SLC22A4: variants seen among roughly 807,000 people sequenced by gnomAD.
SLC22A4 encodes the protein ET transporter.
Under a neutral mutation model 56.6 loss-of-function variants are expected in SLC22A4, and 39 were observed. The ratio of observed to expected loss-of-function variants is 0.69; its 90% confidence interval spans 0.53 to 0.90. The LOEUF (loss-of-function observed/expected upper bound fraction) is 0.90. Among genes scored for constraint, SLC22A4 ranks in the 40% least tolerant of loss-of-function variants. SLC22A4 has a pLI of 0.00. For synonymous variants in SLC22A4, 241 were observed against 281.4 expected, an observed-to-expected ratio of 0.86 and a Z score of 1.44; for missense variants, 594 against 696.5, an observed-to-expected ratio of 0.85 and a Z score of 1.66.
chr5:132,320,781 T>C (rs1053800484), intron 3 of SLC22A4: 2 of 152,256 alleles, frequency 1.3e-5, no homozygotes, highest in African/African-American at 4.8e-5. Context: ...AGCCTGTGCC[T>C]AGGGCATATA....
Position 132,322,177 on chromosome 5 carries a change from T to A in SLC22A4, c.653-7T>A. 1 of 1,611,984 alleles carries A rather than the reference T, an allele frequency of 6.2e-7. No individual in the cohort carries two copies. The highest frequency in any genetic ancestry group is 8.5e-7 in the Non-Finnish European group (1 of 1,178,816). ...ATATGCTAATACTCCTCCCTTGTTT[T>A]GAACAGGAACAGAAATTCTTGGCAA... On this transcript the variant is annotated splice_region_variant and splice_polypyrimidine_tract_variant and intron_variant, in intron 3 of 9. Transcript: ENST00000200652.
intron 1 of SLC22A4, among the ~76,000 whole-genome samples, chr5:132,306,860 A>G (rs1750053234): frequency 2.6e-5 from 4 of 152,170 alleles, no homozygotes; most frequent in African/African-American, 7.2e-5. Context: ...ATAAAACACT[A>G]TATATTGTAT....
chr5:132,322,494 GT>G, intron 4 of SLC22A4, 139 bp downstream of exon 4: 1 of 809,840 alleles, frequency 1.2e-6, no homozygotes, highest in Non-Finnish European at 2.1e-6. Context: ...AGCCGGGAGA[GT>G]TTTTGCCTCA....
At chr5:132,301,769 G>A (rs946128212) in intron 1 of SLC22A4, among the ~76,000 whole-genome samples, 3 of 152,232 alleles carry the variant, frequency 2.0e-5, no homozygotes, top group Admixed American at 6.5e-5. Flanking sequence ...CTCCCCTGGG[G>A]TCTGGGTAGG....
rs273909 is a variant in SLC22A4 at position 132,331,660 on chromosome 5, A to G, written c.952-96A>G. 0.11 allele frequency: 95,958 copies of G among 847,052 alleles called. 6,637 individuals carry two copies. Among genetic ancestry groups the G allele is most frequent in the South Asian group, 0.19 (14,052 of 75,508 alleles). 52.5% of individuals were successfully genotyped at this position (847,052 alleles called of 1,614,324 possible). A position where few individuals can be genotyped will look rare whatever the true frequency, so the allele number is the denominator to read the frequency against. On this transcript the variant is annotated intron_variant, in intron 5 of 9. Coordinates refer to ENST00000200652, the MANE Select transcript of SLC22A4 (RefSeq NM_003059.3). ...TTCTAAGCATAGTCAAGGTGAAGTGAGAGTTGCATGCATAAGTTTTCCCCA... is the reference window on the plus strand; with the variant it reads ...TTCTAAGCATAGTCAAGGTGAAGTGGGAGTTGCATGCATAAGTTTTCCCCA...
rs1749739104 is a variant in SLC22A4 at position 132,294,869 on chromosome 5, C to T, written c.253C>T (p.Arg85Trp). The T allele has an allele frequency of 2.5e-6, 4 of 1,604,236 alleles. No homozygotes were observed. Among genetic ancestry groups the T allele is most frequent in the Non-Finnish European group, 3.4e-6 (4 of 1,176,660 alleles). The change falls in exon 1 of 10, where the codon CGG becomes TGG. Residue 85 changes from arginine (R) to tryptophan (W), a missense_variant. By Grantham distance (101) the Arg-to-Trp change is moderately radical (BLOSUM62 -3). Coordinates refer to ENST00000200652, the MANE Select transcript of SLC22A4 (RefSeq NM_003059.3). This position sits in a 1 kb window ranked among gnomAD's most constrained non-coding sequence, Gnocchi z 5.6. ...GGTGCCCCACAGCTGCAGCCGCTAC[C>T]GGCTCGCCACCATCGCCAACTTCTC... The part of the protein sequence containing the change: ...REVPHSCSRY[R>W]LATIANFSAL...
intron 8 of SLC22A4, among the ~76,000 whole-genome samples, chr5:132,338,279 G>T (rs1441096455): frequency 6.6e-6 from 1 of 152,136 alleles, no homozygotes; most frequent in Non-Finnish European, 1.5e-5. Context: ...CAAAAGGGGA[G>T]GGAGTGTACG....
Position 132,307,818 on chromosome 5 carries a change from G to A in SLC22A4, c.394-4343G>A, listed in dbSNP as rs192708657. Among the ~76,000 whole-genome samples, 320 of 152,064 alleles carry A rather than the reference G, an allele frequency of 2.1e-3. 1 individual carries two copies. Among genetic ancestry groups the A allele is most frequent in the Non-Finnish European group, 3.5e-3 (235 of 68,014 alleles). On this transcript the variant is annotated intron_variant, in intron 1 of 9. Coordinates refer to ENST00000200652, the MANE Select transcript of SLC22A4 (RefSeq NM_003059.3). The stretch of plus-strand genomic sequence containing the variant: ...GCTACCTTCCAGCGTTCTCAGTTCC[G>A]TGCAGGTCAGACGGGGTTCACTTAT...
At chr5:132,308,966 C>T (rs191285086) in intron 1 of SLC22A4, among the ~76,000 whole-genome samples, 51 of 152,296 alleles carry the variant, frequency 3.3e-4, no homozygotes, top group African/African-American at 1.2e-3. Flanking sequence ...CAAACATGTG[C>T]AGGGACCCAC....
intron 5 of SLC22A4, 106 bp from the exon 6 acceptor site, chr5:132,331,650 A>G: frequency 1.2e-6 from 1 of 814,310 alleles, no homozygotes; most frequent in South Asian, 1.3e-5. Flanking sequence ...AGCATAGTCA[A>G]GGTGAAGTGA....
At chr5:132,328,928 T>C (rs1175768017) in intron 5 of SLC22A4, among the ~76,000 whole-genome samples, 4 of 22,140 alleles carry the variant, frequency 1.8e-4, no homozygotes, top group African/African-American at 3.7e-4. Flanking sequence ...TATATATATA[T>C]ATACACACAC....
chr5:132,295,469 T>A (rs1266841214), intron 1 of SLC22A4: 1 of 365,576 alleles, frequency 2.7e-6, no homozygotes, highest in Non-Finnish European at 5.3e-6. Flanking sequence ...TGTACTGCCG[T>A]ACCATATACT....
chr5:132,335,709 T>C (rs1461737107), intron 7 of SLC22A4, 109 bp from the exon 8 acceptor site: 1 of 908,610 alleles, frequency 1.1e-6, no homozygotes, highest in African/African-American at 1.6e-5. Context: ...GGAATATATT[T>C]ATGTTAATAA....
chr5:132,310,032 A>C (rs1384598687), intron 1 of SLC22A4, among the ~76,000 whole-genome samples: 2 of 152,262 alleles, frequency 1.3e-5, no homozygotes, highest in African/African-American at 2.4e-5. Flanking sequence ...TCTGAGGCTA[A>C]AGGCTGTGAT....
chr5:132,308,123 T>G (rs1750083412), intron 1 of SLC22A4, among the ~76,000 whole-genome samples: 1 of 152,218 alleles, frequency 6.6e-6, no homozygotes. Flanking sequence ...TCTGTCCTTC[T>G]GCTGGAGGAT....
At chr5:132,336,819 A>T (rs1580847903) in intron 8 of SLC22A4, among the ~76,000 whole-genome samples, 1 of 151,882 alleles carries the variant, frequency 6.6e-6, no homozygotes, top group East Asian at 1.9e-4. Context: ...TGTTGTGCAA[A>T]ACAAAATGTC....
In SLC22A4 at chr5:132,343,772, GA is replaced by G; in HGVS notation, c.1600del (p.Thr534GlnfsTer14). ...MQKVKWFRSG[K>X]KTRDSMETEE... Reference sequence around the variant, plus strand: ...ATTTTATTTTCAGGTTCAGATCTGGGAAAAAAACAAGAGACTCAATGGAGAC... The same window carrying G: ...ATTTTATTTTCAGGTTCAGATCTGGGAAAAAACAAGAGACTCAATGGAGAC... On this transcript the variant is annotated frameshift_variant, in exon 10 of 10. Transcript: ENST00000200652. LOFTEE classifies it high-confidence loss of function. 6.2e-7 allele frequency: 1 copy of G among 1,604,488 alleles called. No individual in the cohort carries two copies. Among genetic ancestry groups the G allele is most frequent in the Non-Finnish European group, 8.5e-7 (1 of 1,172,020 alleles).
rs272893 is a variant in SLC22A4, at chr5:132,327,369, T to G, written c.917T>G (p.Ile306Arg). 19 of 1,612,008 alleles carry G rather than the reference T, an allele frequency of 1.2e-5. 1 individual carries two copies. The highest frequency in any genetic ancestry group is 1.6e-5 in the Non-Finnish European group (19 of 1,178,324). Residue 306 changes from isoleucine (I) to arginine (R), a missense_variant, in exon 5 of 10, where the codon ATA becomes AGA. Physicochemically the swap from Ile to Arg is moderately conservative, Grantham distance 97. Transcript: ENST00000200652. Reference protein sequence around the residue: ...IIQKAAKMNNIAVPAVIFDSV... With the variant: ...IIQKAAKMNNRAVPAVIFDSV... Reference sequence around the variant, plus strand: ...CAAAAAGCTGCAAAAATGAACAACATAGCTGTACCAGCAGTGATATTTGAT... The same window carrying G: ...CAAAAAGCTGCAAAAATGAACAACAGAGCTGTACCAGCAGTGATATTTGAT...
chr5:132,332,807 C>T (rs186679364), intron 6 of SLC22A4, among the ~76,000 whole-genome samples: 1 of 151,362 alleles, frequency 6.6e-6, no homozygotes, highest in Non-Finnish European at 1.5e-5. Context: ...TGCAGCTAAT[C>T]TAAGTTTATT....
Sources: allele counts gnomAD v4.1 joint callset (sites outside exome capture counted in the v4.1 genomes callset), GRCh38; gene constraint gnomAD v4.1.1; non-coding constraint Gnocchi (gnomAD v3.1); transcripts MANE v1.5; gene names NCBI Gene and HGNC (gene_info 2026-07-23, HGNC 2026-07-21).